NPHP1: variants seen among roughly 807,000 people sequenced by gnomAD.
NPHP1 encodes nephrocystin-1.
A neutral mutation model predicts 90.4 loss-of-function variants in NPHP1; 70 were observed. The observed-to-expected ratio is 0.77, with a 90% confidence interval of 0.64 to 0.95. NPHP1 has a LOEUF of 0.95. Ranked by LOEUF, NPHP1 falls within the 40% of genes least tolerant of loss-of-function variation. NPHP1 has a pLI of 0.00. For missense variants in NPHP1, 764 were observed against 795.9 expected (o/e 0.96, Z 0.48); for synonymous variants, 256 against 271.7 (o/e 0.94, Z 0.57).
intron 3 of NPHP1, among the ~76,000 whole-genome samples, chr2:110,179,098 G>T (rs1262011191): frequency 6.6e-6 from 1 of 150,858 alleles, no homozygotes; most frequent in Non-Finnish European, 1.5e-5. Context: ...CCACTTTAAA[G>T]ACTCCATGAG....
intron 16 of NPHP1, among the ~76,000 whole-genome samples, chr2:110,142,312 T>C (rs1236415653): frequency 6.6e-6 from 1 of 152,016 alleles, no homozygotes; most frequent in Non-Finnish European, 1.5e-5. Flanking sequence ...TTGAAGATAA[T>C]ATCATAAGTT....
chr2:110,165,118 T>A lies in NPHP1; in HGVS notation c.662A>T (p.Glu221Val). 1 of 1,613,810 alleles carries A rather than the reference T, an allele frequency of 6.2e-7. No homozygotes were observed. The highest frequency in any genetic ancestry group is 1.1e-5 in the South Asian group (1 of 91,072). Residue 221 changes from glutamate (E) to valine (V), a missense_variant, in exon 7 of 20, where the codon GAA (glutamate) becomes GTA (valine). Glu to Val is a moderately radical substitution (Grantham distance 121). Coordinates refer to ENST00000445609, the MANE Select transcript of NPHP1 (RefSeq NM_001128178.3). ...CTCTACATCTTCTTCACTGCCCTCT[T>A]CACTTGACTCTTGGCCTTCTTCTTC... ...SEEEEGQESS[E>V]EGSEEDVEAV...
At chr2:110,124,255 G>A in intron 19 of NPHP1, 192 bp from the exon 20 acceptor site, 3 of 667,772 alleles carry the variant, frequency 4.5e-6, no homozygotes, top group Non-Finnish European at 8.0e-6. Flanking sequence ...GTTACACAGA[G>A]TACAGTGGAG....
chr2:110,179,452 T>C (rs1419115732), intron 3 of NPHP1, among the ~76,000 whole-genome samples, 172 bp downstream of exon 3: 1 of 152,180 alleles, frequency 6.6e-6, no homozygotes, highest in Non-Finnish European at 1.5e-5. Context: ...GGATTTTGCT[T>C]TGCTCCCAAG....
chr2:110,174,337 G>C (rs993733874), intron 4 of NPHP1, among the ~76,000 whole-genome samples: 2 of 151,934 alleles, frequency 1.3e-5, no homozygotes, highest in African/African-American at 4.8e-5. Flanking sequence ...ATCACGTTTA[G>C]TATTCCATTT....
At chr2:110,184,606 A>T (rs1435348729) in intron 2 of NPHP1, 2 of 1,118,292 alleles carry the variant, frequency 1.8e-6, no homozygotes, top group Non-Finnish European at 2.7e-6. Flanking sequence ...ATGCGAATTG[A>T]CATCGCAAGC....
Position 110,169,291 on chromosome 2 carries a change from A to G in NPHP1, c.522+515T>C, listed in dbSNP as rs139886742. Among the ~76,000 whole-genome samples the G allele has an allele frequency of 1.3e-4, 20 of 152,276 alleles. No individual in the cohort carries two copies. The East Asian group carries it at 3.7e-3, about 28-fold the overall frequency. The stretch of plus-strand genomic sequence containing the variant: ...GTTTAATATAAGAACTAAAATTCAT[A>G]TATTCACTTAAATTTCTTTGGCTCA... On this transcript the variant is annotated intron_variant, in intron 5 of 19. Transcript: ENST00000445609.
At chr2:110,187,673 A>AACTG (rs1684391922) in intron 2 of NPHP1, among the ~76,000 whole-genome samples, 8 of 152,266 alleles carry the variant, frequency 5.3e-5, no homozygotes, top group Admixed American at 2.6e-4. Flanking sequence ...GATTGTATCC[A>AACTG]GCATCCTCCC....
intron 8 of NPHP1, chr2:110,163,833 C>T (rs764427721): frequency 6.5e-6 from 1 of 153,802 alleles, no homozygotes; most frequent in Non-Finnish European, 1.4e-5. Context: ...GCTAATTTTT[C>T]TATTTTTAGT....
chr2:110,165,048 G>C lies in NPHP1; in HGVS notation c.728+4C>G. 1 of 1,607,272 alleles carries C rather than the reference G, an allele frequency of 6.2e-7. No individual in the cohort carries two copies. Among genetic ancestry groups the C allele is most frequent in the Non-Finnish European group, 8.5e-7 (1 of 1,174,036 alleles). On this transcript the variant is annotated splice_donor_region_variant and intron_variant, in intron 7 of 19. Coordinates refer to ENST00000445609, the MANE Select transcript of NPHP1 (RefSeq NM_001128178.3). ...TACTTTGATATCCTTTCCCACTTTT[G>C]TACCTTTGCTTAACTTCTGCTCCAT...
At position 110,168,472 on chromosome 2, in the gene NPHP1, C is replaced by G. The variant is rs753605280; in HGVS notation, c.604G>C (p.Val202Leu). 11 of 1,611,762 alleles carry G rather than the reference C, an allele frequency of 6.8e-6. No homozygotes were observed. In the Admixed American group the frequency reaches 1.7e-4, roughly 24 times the overall value. ...AKDAKGNEGL[V>L]PRTYLEPYSE... Reference sequence around the variant, plus strand: ...CTAACCTCTAGGTAGGTTCTGGGAACAAGACCTTCATTTCCTTTGGCATCC... The same window carrying G: ...CTAACCTCTAGGTAGGTTCTGGGAAGAAGACCTTCATTTCCTTTGGCATCC... Residue 202 changes from valine to leucine, a missense_variant, in exon 6 of 20, where the codon GTT becomes CTT. Coordinates refer to ENST00000445609, the MANE Select transcript of NPHP1 (RefSeq NM_001128178.3).
At position 110,125,688 on chromosome 2, in the gene NPHP1, A is replaced by G. The variant is rs373875908; in HGVS notation, c.1717-7T>C. ...CTTTTCCAGCCCACGAACTCTAAAGAGCAAACAGAAATATTATGTTAGTCC... is the reference window on the plus strand; with the variant it reads ...CTTTTCCAGCCCACGAACTCTAAAGGGCAAACAGAAATATTATGTTAGTCC... On this transcript the variant is annotated splice_polypyrimidine_tract_variant and splice_region_variant and intron_variant, in intron 18 of 19. Transcript: ENST00000445609. 1.3e-5 allele frequency: 21 copies of G among 1,612,212 alleles called. 1 individual carries two copies. The highest frequency in any genetic ancestry group is 1.7e-5 in the Non-Finnish European group (20 of 1,178,714).
chr2:110,204,949 C>T lies in NPHP1; in HGVS notation c.20G>A (p.Arg7Gln). The change falls in exon 1 of 20, where the codon CGA becomes CAA. Residue 7 changes from arginine to glutamine, a missense_variant. Physicochemically the swap from Arg to Gln is conservative, Grantham distance 43. Transcript: ENST00000445609. ...GCGCCGCAGGGCCTGGAGAGGATCT[C>T]GCTGTCGTCTCGCCAGCATCTCCCT... MLARRQ[R>Q]DPLQALRRRN... 3.1e-6 allele frequency: 5 copies of T among 1,614,022 alleles called. No homozygotes were observed. Among genetic ancestry groups the T allele is most frequent in the Non-Finnish European group, 4.2e-6 (5 of 1,179,930 alleles).
chr2:110,188,491 C>T (rs1023676901), intron 2 of NPHP1, among the ~76,000 whole-genome samples: 38 of 152,112 alleles, frequency 2.5e-4, no homozygotes, highest in Non-Finnish European at 3.7e-4. Flanking sequence ...TAACTACAAA[C>T]ACTGCTCCAG....
At chr2:110,183,936 T>G (rs1231612781) in intron 2 of NPHP1, 2 of 327,322 alleles carry the variant, frequency 6.1e-6, no homozygotes, top group African/African-American at 4.3e-5. Flanking sequence ...GAAAAAGAAC[T>G]GAAATTATAA....
intron 11 of NPHP1, among the ~76,000 whole-genome samples, chr2:110,155,503 G>A (rs1192421368): frequency 6.6e-6 from 1 of 152,182 alleles, no homozygotes; most frequent in Non-Finnish European, 1.5e-5. Flanking sequence ...CTCAGTGCCA[G>A]CCCATGAAAG....
intron 7 of NPHP1, 130 bp from the exon 8 acceptor site, chr2:110,164,860 G>C (rs1682606916): frequency 1.0e-6 from 1 of 955,692 alleles, no homozygotes; most frequent in Admixed American, 1.9e-5. Flanking sequence ...ATGAAAACGA[G>C]GTAGAGCTAA....
chr2:110,147,384 C>T (rs542422470), intron 13 of NPHP1, among the ~76,000 whole-genome samples: 28 of 152,156 alleles, frequency 1.8e-4, no homozygotes, highest in African/African-American at 6.5e-4. Context: ...ATCTCTGTAA[C>T]GCTCTCTGGG....
At chr2:110,180,173 G>T (rs1289679842) in intron 2 of NPHP1, among the ~76,000 whole-genome samples, 2 of 152,100 alleles carry the variant, frequency 1.3e-5, no homozygotes, top group East Asian at 3.9e-4. Flanking sequence ...CCACATAGCT[G>T]CTCAATGGTA....
Sources: allele counts gnomAD v4.1 joint callset (sites outside exome capture counted in the v4.1 genomes callset), GRCh38; gene constraint gnomAD v4.1.1; transcripts MANE v1.5; gene names NCBI Gene and HGNC (gene_info 2026-07-23, HGNC 2026-07-21).